Variants in RPH3A observed in about 807,000 individuals in gnomAD.
RPH3A encodes the protein rabphilin-3A.
In RPH3A, 48 loss-of-function variants were observed where a neutral mutation model predicts 102.2. That is an observed-to-expected ratio of 0.47 (90% CI 0.37 to 0.60). The LOEUF is 0.60. Ranked by LOEUF, RPH3A falls within the 20% of genes least tolerant of loss-of-function variation. RPH3A has a pLI of 0.00. For missense variants in RPH3A, 781 were observed against 910.1 expected, an observed-to-expected ratio of 0.86 and a Z score of 1.83; for synonymous variants, 310 against 324.3, an observed-to-expected ratio of 0.96 and a Z score of 0.47.
At chr12:112,776,583 G>T (rs2040967169) in intron 1 of RPH3A, among the ~76,000 whole-genome samples, 1 of 152,032 alleles carries the variant, frequency 6.6e-6, no homozygotes, top group African/African-American at 2.4e-5. Flanking sequence ...GAAAGAGAAA[G>T]TGCAAAGCCG....
At chr12:112,649,187 A>T (rs1753578084) in intron 1 of RPH3A, among the ~76,000 whole-genome samples, 1 of 152,266 alleles carries the variant, frequency 6.6e-6, no homozygotes. Flanking sequence ...ATCTCTTGGT[A>T]GACTTCAGAT....
rs76414482 is a variant in RPH3A at position 112,814,299 on chromosome 12, A to G, written c.-18-14002A>G. ...ATGCCCCCTATATGTGGGGCATTTT[A>G]ACCACATATAAGAGAGAAGAGTCTG... On this transcript the variant is annotated intron_variant, in intron 2 of 21. Transcript: ENST00000389385. Among the ~76,000 whole-genome samples the G allele has an allele frequency of 4.3e-4, 65 of 152,204 alleles. No individual in the cohort carries two copies. The East Asian group carries it at 0.012, about 28-fold the overall frequency.
At chr12:112,590,583 G>C (rs2135963126) in intron 1 of RPH3A, among the ~76,000 whole-genome samples, 1 of 152,320 alleles carries the variant, frequency 6.6e-6, no homozygotes, top group South Asian at 2.1e-4. Context: ...CTCAGGCTCA[G>C]GGCTGCATTG....
chr12:112,742,904 G>A lies in RPH3A; in HGVS notation c.-139-49239G>A, dbSNP rs571896261. 6.6e-5 allele frequency among the ~76,000 whole-genome samples: 10 copies of A among 152,290 alleles called. No individual in the cohort carries two copies. The South Asian group carries it at 2.1e-3, about 32-fold the overall frequency. The stretch of plus-strand genomic sequence containing the variant: ...TGTTGGCAGGGCTGTGTTCCTCCTG[G>A]AAGCTCTAGGGGAGGAGAATTTGCT... On this transcript the variant is annotated intron_variant, in intron 1 of 21. Coordinates refer to the RPH3A transcript ENST00000543106.
At chr12:112,887,003 A>G (rs1249377139) in intron 16 of RPH3A, among the ~76,000 whole-genome samples, 1 of 152,212 alleles carries the variant, frequency 6.6e-6, no homozygotes, top group African/African-American at 2.4e-5. Context: ...GACTGACATA[A>G]TTGAAGTCAA....
chr12:112,856,757 T>C (rs535047598), intron 5 of RPH3A, among the ~76,000 whole-genome samples: 1 of 152,212 alleles, frequency 6.6e-6, no homozygotes, highest in Non-Finnish European at 1.5e-5. Flanking sequence ...ATTTTTAGAA[T>C]AAATAACTAG....
At chr12:112,704,095 T>C (rs2384051) in intron 1 of RPH3A, among the ~76,000 whole-genome samples, 24,149 of 149,246 alleles carry the variant, frequency 0.16, 2,119 homozygotes, top group Admixed American at 0.24. Flanking sequence ...TCTTCTTCTT[T>C]TTTTTTTTTT....
chr12:112,575,963 G>T (rs1367430581), intron 1 of RPH3A, among the ~76,000 whole-genome samples: 2 of 152,134 alleles, frequency 1.3e-5, no homozygotes, highest in African/African-American at 4.8e-5. Context: ...CCTAAACCAG[G>T]TGTTGCAAAC....
At chr12:112,888,830 T>C (rs2043046294) in intron 17 of RPH3A, among the ~76,000 whole-genome samples, 2 of 152,170 alleles carry the variant, frequency 1.3e-5, no homozygotes, top group African/African-American at 4.8e-5. Flanking sequence ...GGAGATTCTG[T>C]TTTAGTGGGG....
chr12:112,599,685 A>G (rs569447827), intron 1 of RPH3A, among the ~76,000 whole-genome samples: 1 of 152,364 alleles, frequency 6.6e-6, no homozygotes, highest in African/African-American at 2.4e-5. Flanking sequence ...AAGAAAATGT[A>G]TGCTTGTTGA....
chr12:112,702,799 T>G (rs2040404098), intron 1 of RPH3A, among the ~76,000 whole-genome samples: 1 of 152,212 alleles, frequency 6.6e-6, no homozygotes, highest in South Asian at 2.1e-4. Context: ...CTTAGCATAT[T>G]AAAGGACCTG....
At chr12:112,657,300 C>G (rs1460809356) in intron 1 of RPH3A, among the ~76,000 whole-genome samples, 1 of 147,600 alleles carries the variant, frequency 6.8e-6, no homozygotes, top group African/African-American at 2.5e-5. Context: ...TTTTTTTTTT[C>G]TTGTTGAGTT....
At chr12:112,738,561 G>C (rs1052925264) in intron 1 of RPH3A, among the ~76,000 whole-genome samples, 3 of 152,162 alleles carry the variant, frequency 2.0e-5, no homozygotes, top group Non-Finnish European at 4.4e-5. Context: ...GAATTTAGAT[G>C]GTTCTATTCT....
At chr12:112,831,748 G>A (rs2041973777) in intron 3 of RPH3A, 1 of 455,590 alleles carries the variant, frequency 2.2e-6, no homozygotes, top group South Asian at 1.5e-5. Flanking sequence ...CTTGAAGGTT[G>A]CAGCATTCTA....
Position 112,841,173 on chromosome 12 carries a change from T to TAAAAAAAA in RPH3A, c.83+4685_83+4692dup, listed in dbSNP as rs11447068. On this transcript the variant is annotated intron_variant, in intron 4 of 21. Coordinates refer to ENST00000389385, the MANE Select transcript of RPH3A (RefSeq NM_001143854.2). ...GGCAACATAACAAGACCTTGTTTCT[T>TAAAAAAAA]AAAAAAAAAAAAAAAAAAAAAGCCT... 2.1e-4 allele frequency among the ~76,000 whole-genome samples: 7 copies of TAAAAAAAA among 33,346 alleles called. No homozygotes were observed. The East Asian group carries it at 3.4e-3, about 16-fold the overall frequency. 21.9% of individuals were successfully genotyped at this position (33,346 alleles called of 152,430 possible).
chr12:112,680,947 A>C (rs2040222090), intron 1 of RPH3A, among the ~76,000 whole-genome samples: 1 of 149,944 alleles, frequency 6.7e-6, no homozygotes, highest in African/African-American at 2.5e-5. Flanking sequence ...CTTCTTCTCC[A>C]ATCCCCTCTT....
In RPH3A at chr12:112,894,564, G is replaced by A; in HGVS notation, c.1776-14G>A. The stretch of plus-strand genomic sequence containing the variant: ...TAAACGTCATCCATAATAGCATGTT[G>A]TGTCGCCTCCCAGCTGGCTGAAACC... On this transcript the variant is annotated splice_polypyrimidine_tract_variant and intron_variant, in intron 19 of 21. Transcript: ENST00000389385. 6.2e-7 allele frequency: 1 copy of A among 1,613,140 alleles called. No homozygotes were observed. Among genetic ancestry groups the A allele is most frequent in the African/African-American group, 1.3e-5 (1 of 74,988 alleles).
intron 10 of RPH3A, among the ~76,000 whole-genome samples, chr12:112,874,427 G>A (rs1193251325): frequency 6.6e-6 from 1 of 152,206 alleles, no homozygotes; most frequent in African/African-American, 2.4e-5. Flanking sequence ...AAGGTTATTA[G>A]TAGAAATTAA....
chr12:112,854,397 G>A (rs1375441686), intron 5 of RPH3A, among the ~76,000 whole-genome samples: 1 of 152,242 alleles, frequency 6.6e-6, no homozygotes. Flanking sequence ...TCATGTGCCA[G>A]CACTGTGCTC....
Sources: gnomAD v4.1 joint callset for allele counts (sites outside exome capture counted in the v4.1 genomes callset) on GRCh38, gnomAD v4.1.1 for gene constraint, MANE v1.5 for transcripts, NCBI Gene and HGNC (gene_info 2026-07-23, HGNC 2026-07-21) for gene names.